NRIP2: variants seen among roughly 807,000 people sequenced by gnomAD.
NRIP2 encodes nuclear receptor interacting protein 2.
A neutral mutation model predicts 34.1 loss-of-function variants in NRIP2; 27 were observed. That is an observed-to-expected ratio of 0.79 (90% CI 0.58 to 1.09). The LOEUF (loss-of-function observed/expected upper bound fraction) is 1.09. Ranked by LOEUF, NRIP2 falls within the 50% of genes least tolerant of loss-of-function variation. The pLI, the probability that NRIP2 is intolerant of heterozygous loss-of-function variation, is 0.00. For synonymous variants in NRIP2, 145 were observed against 146.9 expected, an observed-to-expected ratio of 0.99 and a Z score of 0.09; for missense variants, 385 against 352.6, an observed-to-expected ratio of 1.09 and a Z score of -0.74.
At chr12:2,833,962 C>A (rs1410993077) in intron 1 of NRIP2, among the ~76,000 whole-genome samples, 2 of 152,212 alleles carry the variant, frequency 1.3e-5, no homozygotes, top group Non-Finnish European at 2.9e-5. Flanking sequence ...TCAGCATTGC[C>A]TCTCAGAGGG....
Position 2,827,667 on chromosome 12 carries a change from A to T in NRIP2, c.711T>A (p.Ser237Arg), listed in dbSNP as rs35469762. The T allele has an allele frequency of 6.2e-7, 1 of 1,613,888 alleles. No individual in the cohort carries two copies. Among genetic ancestry groups the T allele is most frequent in the East Asian group, 2.2e-5 (1 of 44,864 alleles). The stretch of plus-strand genomic sequence containing the variant: ...TCTGCAGGCCCAGGCAGAATTCAGG[A>T]CTCTCAGCATCTATAGGAACAATTT... The part of the protein sequence containing the change: ...VCSAQVVDAE[S>R]PEFCLGLQTL... The change falls in exon 5 of 6, where the codon AGT (serine) becomes AGA (arginine). Residue 237 changes from serine to arginine, a missense_variant. By Grantham distance (110) the Ser-to-Arg change is moderately radical (BLOSUM62 -1). Coordinates refer to ENST00000337508, the MANE Select transcript of NRIP2 (RefSeq NM_031474.3). This position sits in a 1 kb window ranked among gnomAD's most constrained non-coding sequence, Gnocchi z 4.0.
chr12:2,834,763 C>T lies in NRIP2; in HGVS notation c.221G>A (p.Arg74Gln), dbSNP rs140560111. The change falls in exon 1 of 6, where the codon CGA becomes CAA. Residue 74 changes from arginine to glutamine, a missense_variant. Physicochemically the swap from Arg to Gln is conservative, Grantham distance 43 (BLOSUM62 1). Transcript: ENST00000337508. The part of the protein sequence containing the change: ...ARTRGQEAQL[R>Q]DRAHLSQQRR... ...CTGCTGGCTCAGGTGGGCTCGGTCT[C>T]GAAGCTGTGCCTCCTGCCCCCTCGT... The T allele has an allele frequency of 1.2e-5, 19 of 1,613,746 alleles. No homozygotes were observed. Among genetic ancestry groups the T allele is most frequent in the East Asian group, 6.7e-5 (3 of 44,838 alleles).
Position 2,828,372 on chromosome 12 carries a change from G to T in NRIP2, c.538C>A (p.Gln180Lys). 6.2e-7 allele frequency: 1 copy of T among 1,614,098 alleles called. No individual in the cohort carries two copies. The highest frequency in any genetic ancestry group is 8.5e-7 in the Non-Finnish European group (1 of 1,180,038). ...LLRVAVDTGT[Q>K]YNRISAGCLS... ...CATCCAGCAGAGATCCGATTGTATT[G>T]GGTGCCTGTGTCAACGGCCACTCTA... The change falls in exon 3 of 6, where the codon CAA becomes AAA. Residue 180 changes from glutamine (Q) to lysine (K), a missense_variant. Gln to Lys is a moderately conservative substitution (Grantham distance 53). Transcript: ENST00000337508.
chr12:2,827,745 C>T lies in NRIP2; in HGVS notation c.701-68G>A, dbSNP rs767407740. 1.2e-6 allele frequency: 2 copies of T among 1,611,430 alleles called. No homozygotes were observed. The highest frequency in any genetic ancestry group is 1.7e-6 in the Non-Finnish European group (2 of 1,179,296). On this transcript the variant is annotated intron_variant, in intron 4 of 5. Coordinates refer to ENST00000337508, the MANE Select transcript of NRIP2 (RefSeq NM_031474.3). The surrounding 1 kb of genome is among the most constrained non-coding windows in gnomAD (Gnocchi z 4.0). ...GTGGTCACTGCTGCCCTCCTCTTAGCCGTTGCTCCTTCTCTGCCCACCCCA... is the reference window on the plus strand; with the variant it reads ...GTGGTCACTGCTGCCCTCCTCTTAGTCGTTGCTCCTTCTCTGCCCACCCCA...
At chr12:2,832,359 C>T (rs1055159128) in intron 1 of NRIP2, among the ~76,000 whole-genome samples, 1 of 151,984 alleles carries the variant, frequency 6.6e-6, no homozygotes, top group African/African-American at 2.4e-5. Context: ...TGTTTATGGG[C>T]CCCAGAAGCA....
intron 1 of NRIP2, among the ~76,000 whole-genome samples, chr12:2,831,076 A>G: frequency 6.6e-6 from 1 of 151,838 alleles, no homozygotes; most frequent in East Asian, 1.9e-4. Context: ...ATTGCTCAGC[A>G]GTGAAGAAAT....
rs761645784 is a variant in NRIP2, at chr12:2,835,009, A to G, written c.-26T>C. ...GCAGGAGCAGCCGCGTCAGTCTCCA[A>G]TTTCCCGAGATTGCTGTAGAGGGAG... is the stretch of plus-strand genomic sequence containing the variant. On this transcript the variant is annotated 5_prime_UTR_variant, in exon 1 of 6. Transcript: ENST00000337508. The G allele has an allele frequency of 8.5e-6, 13 of 1,524,760 alleles. No homozygotes were observed. Among genetic ancestry groups the G allele is most frequent in the Middle Eastern group, 1.8e-4 (1 of 5,630 alleles). 94.5% of individuals were successfully genotyped at this position (1,524,760 alleles called of 1,614,324 possible).
rs781702788 is a variant in NRIP2, at chr12:2,830,750, C to A, written c.453G>T (p.Lys151Asn). 6.2e-6 allele frequency: 10 copies of A among 1,613,712 alleles called. No homozygotes were observed. Among genetic ancestry groups the A allele is most frequent in the Non-Finnish European group, 8.5e-6 (10 of 1,179,908 alleles). The part of the protein sequence containing the change: ...DLIHGQESRR[K>N]TSRTEIPALL... The stretch of plus-strand genomic sequence containing the variant: ...GAGCTGGAATCTCTGTCCTGCTGGT[C>A]TTCCTCCTGCTCTCCTGGCCATGAA... Residue 151 changes from lysine (K) to asparagine (N), a missense_variant, in exon 2 of 6, where the codon AAG (lysine) becomes AAT (asparagine). Physicochemically the swap from Lys to Asn is moderately conservative, Grantham distance 94. Coordinates refer to ENST00000337508, the MANE Select transcript of NRIP2 (RefSeq NM_031474.3).
In NRIP2 at chr12:2,827,505, G is replaced by A. The variant is rs1401747044; in HGVS notation, c.753+120C>T. On this transcript the variant is annotated intron_variant, in intron 5 of 5. Transcript: ENST00000337508. The surrounding 1 kb of genome is among the most constrained non-coding windows in gnomAD (Gnocchi z 4.0). ...TGGTAAGTAAGGAACCTCTAAGGAAGCAAAGGGACAGTTGCCCATCTCTAA... is the reference window on the plus strand; with the variant it reads ...TGGTAAGTAAGGAACCTCTAAGGAAACAAAGGGACAGTTGCCCATCTCTAA... 1.3e-6 allele frequency: 2 copies of A among 1,564,124 alleles called. No homozygotes were observed. Among genetic ancestry groups the A allele is most frequent in the African/African-American group, 1.4e-5 (1 of 72,740 alleles).
chr12:2,831,343 G>A lies in NRIP2; in HGVS notation c.343-483C>T, dbSNP rs1364066046. On this transcript the variant is annotated intron_variant, in intron 1 of 5. Coordinates refer to ENST00000337508, the MANE Select transcript of NRIP2 (RefSeq NM_031474.3). ...TCACATCTGTACTCCCAGCACTTTG[G>A]GAGGCCGAGGTGGGTGGATCACTTG... Among the ~76,000 whole-genome samples the A allele has an allele frequency of 3.3e-5, 5 of 152,134 alleles. No individual in the cohort carries two copies. The East Asian group carries it at 9.7e-4, about 29-fold the overall frequency.
chr12:2,828,882 A>G (rs1029798763), intron 2 of NRIP2, among the ~76,000 whole-genome samples: 2 of 152,052 alleles, frequency 1.3e-5, no homozygotes, highest in African/African-American at 2.4e-5. Context: ...GACTCATACA[A>G]TAGGGGCAGA....
At chr12:2,833,721 A>G (rs1167708133) in intron 1 of NRIP2, among the ~76,000 whole-genome samples, 2 of 152,166 alleles carry the variant, frequency 1.3e-5, no homozygotes, top group Non-Finnish European at 2.9e-5. Context: ...ATGGAGTAAT[A>G]GCTGGGGGAA....
chr12:2,828,734 C>T (rs955600283), intron 2 of NRIP2, among the ~76,000 whole-genome samples: 1 of 152,004 alleles, frequency 6.6e-6, no homozygotes, highest in African/African-American at 2.4e-5. Flanking sequence ...CCCAGCTACT[C>T]GGGAGGCTGA....
At chr12:2,833,960 G>C (rs2098015610) in intron 1 of NRIP2, among the ~76,000 whole-genome samples, 1 of 152,224 alleles carries the variant, frequency 6.6e-6, no homozygotes, top group Admixed American at 6.5e-5. Flanking sequence ...TGTCAGCATT[G>C]CCTCTCAGAG....
In NRIP2 at chr12:2,834,690, G is replaced by T. The variant is rs1042150654; in HGVS notation, c.294C>A (p.Asp98Glu). The T allele has an allele frequency of 3.3e-5, 53 of 1,613,414 alleles. No individual in the cohort carries two copies. The highest frequency in any genetic ancestry group is 4.4e-5 in the Non-Finnish European group (52 of 1,179,746). Residue 98 changes from aspartate to glutamate, a missense_variant, in exon 1 of 6, where the codon GAC becomes GAA. By Grantham distance (45) the Asp-to-Glu change is conservative. Coordinates refer to ENST00000337508, the MANE Select transcript of NRIP2 (RefSeq NM_031474.3). The stretch of plus-strand genomic sequence containing the variant: ...TCTTGAGGCTGTCCAGCGGGAGCAG[G>T]TCGGCCGAGTCCTTGTGCAGGAACT... ...ATQFLHKDSADLLPLDSLKRL... is the reference protein window; with the variant it reads ...ATQFLHKDSAELLPLDSLKRL...
At chr12:2,834,380 C>T (rs2098017785) in intron 1 of NRIP2, among the ~76,000 whole-genome samples, 1 of 152,176 alleles carries the variant, frequency 6.6e-6, no homozygotes, top group Admixed American at 6.5e-5. Flanking sequence ...CAGCCTAGCT[C>T]CTCACCACCC....
Position 2,834,929 on chromosome 12 carries a change from T to C in NRIP2, c.55A>G (p.Ser19Gly). The C allele has an allele frequency of 6.2e-7, 1 of 1,610,340 alleles. No individual in the cohort carries two copies. The highest frequency in any genetic ancestry group is 8.5e-7 in the Non-Finnish European group (1 of 1,178,130). The change falls in exon 1 of 6, where the codon AGC becomes GGC. Residue 19 changes from serine to glycine, a missense_variant. By Grantham distance (56) the Ser-to-Gly change is moderately conservative. Coordinates refer to ENST00000337508, the MANE Select transcript of NRIP2 (RefSeq NM_031474.3). Reference protein sequence around the residue: ...LPWRPSCWKESCSTGQRQAGR... With the variant: ...LPWRPSCWKEGCSTGQRQAGR... Reference sequence around the variant, plus strand: ...GCCTGTCTCTGTCCCGTGCTGCAGCTCTCTTTCCAACAGGAGGGTCTCCAC... The same window carrying C: ...GCCTGTCTCTGTCCCGTGCTGCAGCCCTCTTTCCAACAGGAGGGTCTCCAC...
chr12:2,830,172 G>A (rs2097994270), intron 2 of NRIP2: 1 of 152,176 alleles, frequency 6.6e-6, no homozygotes, highest in African/African-American at 2.4e-5. Flanking sequence ...AATCAGAAAA[G>A]GTTTCAAGGA....
intron 1 of NRIP2, 180 bp from the exon 2 acceptor site, chr12:2,831,040 A>G (rs1603484332): frequency 1.9e-6 from 1 of 534,236 alleles, no homozygotes; most frequent in East Asian, 3.4e-5. Context: ...GTATCAAATC[A>G]TGCCGTTTTC....
Sources: allele counts gnomAD v4.1 joint callset (sites outside exome capture counted in the v4.1 genomes callset), GRCh38; gene constraint gnomAD v4.1.1; non-coding constraint Gnocchi (gnomAD v3.1); transcripts MANE v1.5; gene names NCBI Gene and HGNC (gene_info 2026-07-23, HGNC 2026-07-21).